Variants in RELN observed in about 807,000 individuals in gnomAD.
RELN encodes the protein reelin.
RELN carries 108 observed loss-of-function variants against 427.6 expected under a neutral mutation model. The observed-to-expected ratio is 0.25, with a 90% confidence interval of 0.22 to 0.30. RELN has a LOEUF of 0.30. Among genes scored for constraint, RELN ranks in the 10% least tolerant of loss-of-function variants. RELN has a pLI of 1.00. For synonymous variants in RELN, 1,524 were observed against 1,513.4 expected (o/e 1.01, Z -0.16); for missense variants, 3,715 against 4,302.8 (o/e 0.86, Z 3.82).
At position 103,949,537 on chromosome 7, in the gene RELN, C is replaced by T. The variant is rs967117368; in HGVS notation, c.227-32352G>A. ...GCTTCCTTTTTCTCTCTCTCTTCCC[C>T]GCCCCCCAACCCCTGTCAACAGACA... On this transcript the variant is annotated intron_variant, in intron 1 of 64. Transcript: ENST00000428762. 4.0e-5 allele frequency among the ~76,000 whole-genome samples: 6 copies of T among 151,766 alleles called. No individual in the cohort carries two copies. In the East Asian group the frequency reaches 5.8e-4, roughly 15 times the overall value.
intron 6 of RELN, among the ~76,000 whole-genome samples, chr7:103,735,979 A>G (rs559532542): frequency 6.6e-6 from 1 of 152,228 alleles, no homozygotes; most frequent in African/African-American, 2.4e-5. Context: ...AAAGGAAAAG[A>G]AAAGTTTCTT....
chr7:103,607,444 T>G (rs1021085549), intron 22 of RELN, among the ~76,000 whole-genome samples: 1 of 152,222 alleles, frequency 6.6e-6, no homozygotes, highest in Non-Finnish European at 1.5e-5. Context: ...TGTCTCTCCC[T>G]CAATACAAAT....
intron 3 of RELN, among the ~76,000 whole-genome samples, chr7:103,832,433 C>T (rs39364): frequency 0.37 from 55,826 of 151,782 alleles, 10,638 homozygotes; most frequent in Non-Finnish European, 0.42. Context: ...AAAAAAACAA[C>T]GAAAAACTGA....
intron 7 of RELN, among the ~76,000 whole-genome samples, chr7:103,724,370 C>T (rs571571757): frequency 6.6e-6 from 1 of 152,236 alleles, no homozygotes; most frequent in African/African-American, 2.4e-5. Flanking sequence ...AAGCCTCTTG[C>T]TCTGTCGGAA....
intron 2 of RELN, among the ~76,000 whole-genome samples, chr7:103,890,323 A>G (rs573071011): frequency 1.3e-5 from 2 of 152,094 alleles, no homozygotes; most frequent in Non-Finnish European, 1.5e-5. Flanking sequence ...ACACTATAAC[A>G]GGTGTCCCCA....
intron 1 of RELN, among the ~76,000 whole-genome samples, chr7:103,932,940 C>T (rs1346818376): frequency 6.6e-6 from 1 of 152,192 alleles, no homozygotes; most frequent in East Asian, 1.9e-4. Context: ...CGTGCTAGAG[C>T]TGCTGGGCTG....
intron 4 of RELN, among the ~76,000 whole-genome samples, chr7:103,758,247 T>C (rs1791212070): frequency 6.6e-6 from 1 of 152,174 alleles, no homozygotes; most frequent in South Asian, 2.1e-4. Flanking sequence ...GTAACTGGAC[T>C]GAATTGGAAA....
chr7:103,751,586 C>T (rs1024573254), intron 5 of RELN, among the ~76,000 whole-genome samples: 22 of 152,188 alleles, frequency 1.4e-4, no homozygotes, highest in Admixed American at 6.5e-4. Context: ...TTCCTCTGAG[C>T]GATGAGATGC....
chr7:103,964,545 A>G (rs1217835136), intron 1 of RELN, among the ~76,000 whole-genome samples: 2 of 152,162 alleles, frequency 1.3e-5, no homozygotes, highest in Non-Finnish European at 2.9e-5. Flanking sequence ...TACCACAACT[A>G]TCACTCCTGG....
At chr7:103,875,756 C>G (rs1415969568) in intron 2 of RELN, among the ~76,000 whole-genome samples, 1 of 151,966 alleles carries the variant, frequency 6.6e-6, no homozygotes, top group Non-Finnish European at 1.5e-5. Flanking sequence ...AACTCAAAAC[C>G]CTGAATCTGT....
intron 2 of RELN, among the ~76,000 whole-genome samples, chr7:103,841,853 G>A (rs976970649): frequency 1.3e-5 from 2 of 152,148 alleles, no homozygotes; most frequent in Non-Finnish European, 2.9e-5. Context: ...GATGAAAGAT[G>A]TGGATTACTC....
At chr7:103,519,218 C>G (rs1829643108) in intron 49 of RELN, 105 bp downstream of exon 49, 1 of 854,360 alleles carries the variant, frequency 1.2e-6, no homozygotes, top group African/African-American at 1.7e-5. Context: ...GAGGCATCCT[C>G]TAGTGAGGCA....
intron 16 of RELN, among the ~76,000 whole-genome samples, chr7:103,646,972 T>C (rs1237868911): frequency 6.6e-6 from 1 of 150,922 alleles, no homozygotes; most frequent in Non-Finnish European, 1.5e-5. Flanking sequence ...CAAATCATCT[T>C]AATAGATGCA....
chr7:103,880,407 C>G (rs1034027455), intron 2 of RELN, among the ~76,000 whole-genome samples: 5 of 152,074 alleles, frequency 3.3e-5, no homozygotes, highest in Non-Finnish European at 5.9e-5. Flanking sequence ...CATTATAAAG[C>G]TGCTATTTCA....
chr7:103,808,127 C>G (rs1361303127), intron 3 of RELN, among the ~76,000 whole-genome samples: 2 of 152,060 alleles, frequency 1.3e-5, no homozygotes, highest in Admixed American at 6.6e-5. Flanking sequence ...AGAGAAAAAT[C>G]TGAAGATACT....
intron 6 of RELN, among the ~76,000 whole-genome samples, chr7:103,738,042 T>C (rs374275801): frequency 6.6e-6 from 1 of 151,364 alleles, no homozygotes; most frequent in Non-Finnish European, 1.5e-5. Context: ...CCCTGATCTC[T>C]GCTGAGTAGG....
At chr7:103,655,563 C>T (rs1225082302) in intron 12 of RELN, among the ~76,000 whole-genome samples, 2 of 151,960 alleles carry the variant, frequency 1.3e-5, no homozygotes, top group Non-Finnish European at 2.9e-5. Context: ...TTTGTAAATG[C>T]CTGGGTCAAA....
At chr7:103,778,057 A>G (rs1181682547) in intron 3 of RELN, among the ~76,000 whole-genome samples, 1 of 152,248 alleles carries the variant, frequency 6.6e-6, no homozygotes, top group Non-Finnish European at 1.5e-5. Context: ...CATTATCAAA[A>G]TTACACAAAA....
At chr7:103,859,209 T>C (rs1370953305) in intron 2 of RELN, among the ~76,000 whole-genome samples, 8 of 152,220 alleles carry the variant, frequency 5.3e-5, no homozygotes, top group Non-Finnish European at 8.8e-5. Flanking sequence ...ATTCTAATAT[T>C]AATACCAGTC....
Sources: allele counts gnomAD v4.1 joint callset (sites outside exome capture counted in the v4.1 genomes callset), GRCh38; gene constraint gnomAD v4.1.1; transcripts MANE v1.5; gene names NCBI Gene and HGNC (gene_info 2026-07-23, HGNC 2026-07-21).